KATNA1: variants seen among roughly 807,000 people sequenced by gnomAD.
KATNA1 encodes the protein katanin catalytic subunit A1, also known as katanin p60 ATPase-containing subunit A1.
Under a neutral mutation model 62.6 loss-of-function variants are expected in KATNA1, and 42 were observed. The observed-to-expected ratio is 0.67, with a 90% CI of 0.52 to 0.87. The LOEUF (loss-of-function observed/expected upper bound fraction) is 0.87. Among genes scored for constraint, KATNA1 ranks in the 40% least tolerant of loss-of-function variants. KATNA1 has a pLI of 0.00. For missense variants in KATNA1, 498 were observed against 612.5 expected (o/e 0.81, Z 1.97); for synonymous variants, 186 against 201.9 (o/e 0.92, Z 0.67).
intron 4 of KATNA1, among the ~76,000 whole-genome samples, chr6:149,615,459 C>T (rs1315474679): frequency 6.6e-6 from 1 of 151,900 alleles, no homozygotes; most frequent in African/African-American, 2.4e-5. Flanking sequence ...CCTGTCTTGG[C>T]CTCCCAAAGT....
chr6:149,611,906 A>G (rs1227982142), intron 4 of KATNA1, among the ~76,000 whole-genome samples: 1 of 152,136 alleles, frequency 6.6e-6, no homozygotes, highest in East Asian at 1.9e-4. Flanking sequence ...AGGCTGAGGC[A>G]GGAGAATGGT....
chr6:149,643,557 T>C (rs1427554469), intron 1 of KATNA1, among the ~76,000 whole-genome samples: 1 of 152,218 alleles, frequency 6.6e-6, no homozygotes, highest in African/African-American at 2.4e-5. Flanking sequence ...TATTCTATCT[T>C]AATAAAAGCC....
intron 6 of KATNA1, among the ~76,000 whole-genome samples, chr6:149,602,693 G>A (rs1778592707): frequency 6.6e-6 from 1 of 151,532 alleles, no homozygotes; most frequent in African/African-American, 2.4e-5. Context: ...TTGCAAATAT[G>A]AGCTCATTCT....
intron 3 of KATNA1, among the ~76,000 whole-genome samples, chr6:149,629,324 G>C (rs1779747816): frequency 6.6e-6 from 1 of 152,076 alleles, no homozygotes; most frequent in Non-Finnish European, 1.5e-5. Flanking sequence ...AAGAGTCCCT[G>C]ATGTGAAAGA....
chr6:149,595,007 C>T lies in KATNA1; in HGVS notation c.*29G>A. ...GCATTTAATATTCAAACACTTAAGG[C>T]ACATTTCTCACAGTTTACATGTGAG... On this transcript the variant is annotated 3_prime_UTR_variant, in exon 11 of 11. Transcript: ENST00000367411. 6.4e-7 allele frequency: 1 copy of T among 1,557,794 alleles called. No homozygotes were observed. The highest frequency in any genetic ancestry group is 8.9e-7 in the Non-Finnish European group (1 of 1,129,856).
rs772014499 is a variant in KATNA1 at position 149,623,236 on chromosome 6, G to A, written c.368C>T (p.Pro123Leu). Residue 123 changes from proline (P) to leucine (L), a missense_variant, in exon 4 of 11, where the codon CCT becomes CTT. Transcript: ENST00000367411. The part of the protein sequence containing the change: ...RKRQSSQYSD[P>L]KSHGNRPSTT... ...ACTTGGACGATTACCATGTGATTTA[G>A]GGTCACTGTACTGAGAAGATTGGCG... 6.2e-7 allele frequency: 1 copy of A among 1,613,396 alleles called. No individual in the cohort carries two copies. Among genetic ancestry groups the A allele is most frequent in the Admixed American group, 1.7e-5 (1 of 59,836 alleles).
intron 4 of KATNA1, among the ~76,000 whole-genome samples, chr6:149,614,021 C>A (rs1779069918): frequency 6.6e-6 from 1 of 152,174 alleles, no homozygotes; most frequent in South Asian, 2.1e-4. Context: ...GCACCCTGAT[C>A]TTGGACTTCC....
At chr6:149,612,334 T>A (rs1210249414) in intron 4 of KATNA1, among the ~76,000 whole-genome samples, 1 of 151,790 alleles carries the variant, frequency 6.6e-6, no homozygotes, top group Non-Finnish European at 1.5e-5. Context: ...ATGGTGAAAC[T>A]CTGTCTCTAC....
chr6:149,603,132 C>T (rs1470041344), intron 6 of KATNA1, 136 bp downstream of exon 6: 2 of 493,834 alleles, frequency 4.0e-6, no homozygotes, highest in Non-Finnish European at 7.2e-6. Flanking sequence ...CTCAGTAGCA[C>T]AACATATACC....
chr6:149,615,745 A>T (rs1779146808), intron 4 of KATNA1, among the ~76,000 whole-genome samples: 3 of 152,052 alleles, frequency 2.0e-5, no homozygotes. Flanking sequence ...GATATAGTAC[A>T]CTGTGAATAT....
intron 4 of KATNA1, among the ~76,000 whole-genome samples, chr6:149,619,324 C>T (rs1286125279): frequency 2.6e-5 from 4 of 151,926 alleles, no homozygotes; most frequent in African/African-American, 9.7e-5. Context: ...AGCAAAAAGA[C>T]AAAAACTGCT....
At chr6:149,596,187 T>C (rs528518536) in intron 10 of KATNA1, among the ~76,000 whole-genome samples, 1 of 152,324 alleles carries the variant, frequency 6.6e-6, no homozygotes, top group South Asian at 2.1e-4. Context: ...ATACCAGATA[T>C]CTTACCAGCA....
chr6:149,598,143 G>C (rs1022518737), intron 8 of KATNA1, 81 bp downstream of exon 8: 2 of 1,502,072 alleles, frequency 1.3e-6, no homozygotes, highest in Non-Finnish European at 1.8e-6. Flanking sequence ...AGCACTATGA[G>C]TAAAGTTTGA....
chr6:149,610,099 CA>C (rs958933815), intron 4 of KATNA1, among the ~76,000 whole-genome samples: 6,497 of 50,230 alleles, frequency 0.13, 283 homozygotes, highest in African/African-American at 0.29. Flanking sequence ...AACTCCGTCT[CA>C]AAAAAAAAAA....
intron 4 of KATNA1, among the ~76,000 whole-genome samples, chr6:149,609,814 A>AAAAAAAAAAAAAAAAAAAAAAAAAAAC (rs1562284874): frequency 1.4e-5 from 2 of 141,558 alleles, no homozygotes; most frequent in African/African-American, 5.5e-5. Context: ...AAAAAAAAAA[A>AAAAAAAAAAAAAAAAAAAAAAAAAAAC]AATAGGCCAG....
intron 4 of KATNA1, among the ~76,000 whole-genome samples, chr6:149,619,613 CA>C (rs1204501718): frequency 0.012 from 1,464 of 118,372 alleles, 22 homozygotes; most frequent in African/African-American, 0.04. Flanking sequence ...ACTGTCTCCA[CA>C]AAAAAAAAAA....
intron 3 of KATNA1, among the ~76,000 whole-genome samples, chr6:149,625,244 G>A (rs944850796): frequency 2.0e-5 from 3 of 152,174 alleles, no homozygotes; most frequent in African/African-American, 7.2e-5. Flanking sequence ...ACAGAAAGCA[G>A]TGAGATGTTT....
chr6:149,603,242 C>G, intron 6 of KATNA1, 26 bp downstream of exon 6: 1 of 949,550 alleles, frequency 1.1e-6, no homozygotes, highest in Non-Finnish European at 1.6e-6. Flanking sequence ...TTTACTTTGA[C>G]AATGCCATCA....
At chr6:149,638,729 T>G (rs201132991) in intron 1 of KATNA1, 169 bp from the exon 2 acceptor site, 6 of 256,724 alleles carry the variant, frequency 2.3e-5, no homozygotes, top group Non-Finnish European at 3.4e-5. Flanking sequence ...AAAAAAACAT[T>G]GTTTTTTTTT....
Sources: allele counts gnomAD v4.1 joint callset (sites outside exome capture counted in the v4.1 genomes callset), GRCh38; gene constraint gnomAD v4.1.1; transcripts MANE v1.5; gene names NCBI Gene and HGNC (gene_info 2026-07-23, HGNC 2026-07-21).